ABLIM3: variants seen among roughly 807,000 people sequenced by gnomAD.
ABLIM3 encodes the protein actin-binding LIM protein 3.
In ABLIM3, 61 loss-of-function variants were observed where a neutral mutation model predicts 109.5. The ratio of observed to expected loss-of-function variants is 0.56; its 90% CI spans 0.45 to 0.69. The LOEUF is 0.69. ABLIM3 is among the 30% of genes least tolerant of loss of function. ABLIM3 has a pLI of 0.00. For missense variants in ABLIM3, 796 were observed against 889.5 expected, an observed-to-expected ratio of 0.89 and a Z score of 1.34; for synonymous variants, 300 against 324.8, an observed-to-expected ratio of 0.92 and a Z score of 0.82.
rs759562981 is a variant in ABLIM3 at position 149,258,441 on chromosome 5, G to T, written c.*37G>T. ...ATAAATATATATGCATTTATATAAA[G>T]ATATATGTAAAATCTCTCTACTGAA... On this transcript the variant is annotated 3_prime_UTR_variant, in exon 24 of 24. Coordinates refer to ENST00000309868, the MANE Select transcript of ABLIM3 (RefSeq NM_014945.5). 6.3e-7 allele frequency: 1 copy of T among 1,583,382 alleles called. No individual in the cohort carries two copies. The highest frequency in any genetic ancestry group is 1.1e-5 in the South Asian group (1 of 87,180).
chr5:149,192,538 A>G (rs2127487959), intron 3 of ABLIM3, among the ~76,000 whole-genome samples: 1 of 150,880 alleles, frequency 6.6e-6, no homozygotes, highest in East Asian at 2.0e-4. Flanking sequence ...AGGCAGGAGA[A>G]TGGCATGAAC....
chr5:149,211,459 A>G (rs1320826720), intron 7 of ABLIM3, among the ~76,000 whole-genome samples: 1 of 152,144 alleles, frequency 6.6e-6, no homozygotes, highest in African/African-American at 2.4e-5. Flanking sequence ...ACCTTGATGA[A>G]TTAGAAACAG....
intron 21 of ABLIM3, 142 bp from the exon 22 acceptor site, chr5:149,252,059 A>G (rs896484834): frequency 1.1e-6 from 1 of 871,144 alleles, no homozygotes; most frequent in Admixed American, 3.0e-5. Flanking sequence ...TGAATTCAGC[A>G]AGGACAAGGT....
At chr5:149,165,154 A>T (rs1226589851) in intron 2 of ABLIM3, among the ~76,000 whole-genome samples, 1 of 152,248 alleles carries the variant, frequency 6.6e-6, no homozygotes, top group Non-Finnish European at 1.5e-5. Context: ...CTTCAAGGTC[A>T]TCTAGTCTAA....
rs1279809400 is a variant in ABLIM3, at chr5:149,200,299, CCT to C, written c.336-15_336-14del. On this transcript the variant is annotated splice_polypyrimidine_tract_variant and intron_variant, in intron 4 of 23. Transcript: ENST00000309868. ...CAGAAGAGGGTGTGTTGAATTTCTC[CCT>C]CATCCCACTTGCAGGAAGCCTTTCC... 1 of 1,610,908 alleles carries C rather than the reference CCT, an allele frequency of 6.2e-7. No individual in the cohort carries two copies. The highest frequency in any genetic ancestry group is 1.3e-5 in the African/African-American group (1 of 74,836).
chr5:149,210,341 A>G (rs1759417609), intron 6 of ABLIM3, among the ~76,000 whole-genome samples: 2 of 152,206 alleles, frequency 1.3e-5, no homozygotes, highest in African/African-American at 2.4e-5. Context: ...CACCTACACA[A>G]TGGGGATACT....
intron 2 of ABLIM3, among the ~76,000 whole-genome samples, chr5:149,168,549 C>T (rs894100914): frequency 1.3e-5 from 2 of 152,124 alleles, no homozygotes; most frequent in East Asian, 1.9e-4. Context: ...TAATAACAGA[C>T]CAAAAACAGC....
rs199703082 is a variant in ABLIM3, at chr5:149,183,455, C to G, written c.17C>G (p.Pro6Arg). The G allele has an allele frequency of 4.5e-6, 7 of 1,550,984 alleles. No individual in the cohort carries two copies. Among genetic ancestry groups the G allele is most frequent in the Non-Finnish European group, 6.1e-6 (7 of 1,150,070 alleles). ...GATCTCTTTGTTTCTTTTACAGTTC[C>G]TTATCAGCAGAATCCTTACAATCCA... MNTSI[P>R]YQQNPYNPRG... Residue 6 changes from proline (P) to arginine (R), a missense_variant, in exon 3 of 24, where the codon CCT (proline) becomes CGT (arginine). Transcript: ENST00000309868.
chr5:149,231,614 A>G (rs1422232097), intron 9 of ABLIM3, among the ~76,000 whole-genome samples: 2 of 152,234 alleles, frequency 1.3e-5, no homozygotes, highest in Non-Finnish European at 2.9e-5. Context: ...CAGTTTATTG[A>G]TGCATAATTA....
chr5:149,181,567 C>A (rs1027674605), intron 2 of ABLIM3, among the ~76,000 whole-genome samples: 2 of 152,178 alleles, frequency 1.3e-5, no homozygotes, highest in African/African-American at 4.8e-5. Flanking sequence ...GCAAAGTTGT[C>A]AGAAGCCAGT....
intron 8 of ABLIM3, among the ~76,000 whole-genome samples, chr5:149,222,482 C>T (rs1760749658): frequency 6.6e-6 from 1 of 152,014 alleles, no homozygotes; most frequent in African/African-American, 2.4e-5. Context: ...AGGTGTGTTT[C>T]TTTAGGCAGA....
At chr5:149,246,797 AG>A (rs1457286743) in intron 17 of ABLIM3, among the ~76,000 whole-genome samples, 1 of 152,234 alleles carries the variant, frequency 6.6e-6, no homozygotes. Context: ...CTTCATGCTC[AG>A]GCAAGCTATT....
At position 149,239,724 on chromosome 5, in the gene ABLIM3, G is replaced by A. The variant is rs775262682; in HGVS notation, c.1075-35G>A. On this transcript the variant is annotated intron_variant, in intron 12 of 23. Transcript: ENST00000309868. ...CCTCGGGCCACAGGCCCACTTAACA[G>A]CCAGCCATGCTCACAGCCCCATTTC... 17 of 1,544,582 alleles carry A rather than the reference G, an allele frequency of 1.1e-5. No homozygotes were observed. The East Asian group carries it at 4.1e-4, about 37-fold the overall frequency.
At chr5:149,193,191 A>C (rs1173714237) in intron 3 of ABLIM3, among the ~76,000 whole-genome samples, 1 of 152,180 alleles carries the variant, frequency 6.6e-6, no homozygotes, top group Non-Finnish European at 1.5e-5. Context: ...CAGTGCTTTT[A>C]GATTATTGTG....
At position 149,242,544 on chromosome 5, in the gene ABLIM3, G is replaced by A. The variant is rs200897758; in HGVS notation, c.1351+6G>A. On this transcript the variant is annotated splice_donor_region_variant and intron_variant, in intron 15 of 23. Coordinates refer to ENST00000309868, the MANE Select transcript of ABLIM3 (RefSeq NM_014945.5). ...CCCGATCTACAAACGGCATGGTATG[G>A]TCAGAGGTAGATAGGGCTTGGCCAC... is the stretch of plus-strand genomic sequence containing the variant. The A allele has an allele frequency of 4.3e-5, 69 of 1,613,982 alleles. No homozygotes were observed. The highest frequency in any genetic ancestry group is 5.7e-5 in the Non-Finnish European group (67 of 1,180,020).
intron 17 of ABLIM3, 46 bp from the exon 18 acceptor site, chr5:149,247,736 C>T: frequency 6.2e-7 from 1 of 1,613,516 alleles, no homozygotes; most frequent in Non-Finnish European, 8.5e-7. Flanking sequence ...ATCTCAGTGT[C>T]CTTTGTTTTC....
At chr5:149,170,514 C>T (rs925677730) in intron 2 of ABLIM3, among the ~76,000 whole-genome samples, 4 of 152,140 alleles carry the variant, frequency 2.6e-5, no homozygotes, top group African/African-American at 9.7e-5. Context: ...CCCACCCAAA[C>T]CCCATGGAGT....
intron 2 of ABLIM3, among the ~76,000 whole-genome samples, chr5:149,176,227 G>T (rs1313125655): frequency 6.6e-6 from 1 of 152,088 alleles, no homozygotes; most frequent in Non-Finnish European, 1.5e-5. Flanking sequence ...TGACATCCCT[G>T]GCCCTGGAGC....
chr5:149,248,515 C>A (rs1237216123), intron 18 of ABLIM3, among the ~76,000 whole-genome samples: 1 of 151,858 alleles, frequency 6.6e-6, no homozygotes, highest in East Asian at 1.9e-4. Flanking sequence ...CATGGTGAAA[C>A]CCGGTCTTTA....
Sources: allele counts gnomAD v4.1 joint callset (sites outside exome capture counted in the v4.1 genomes callset), GRCh38; gene constraint gnomAD v4.1.1; transcripts MANE v1.5; gene names NCBI Gene and HGNC (gene_info 2026-07-23, HGNC 2026-07-21).